The following PDE1A variants were observed in gnomAD, a reference collection of about 807,000 sequenced individuals.
PDE1A encodes dual specificity calcium/calmodulin-dependent 3',5'-cyclic nucleotide phosphodiesterase 1A.
A neutral mutation model predicts 61.7 loss-of-function variants in PDE1A; 35 were observed. The observed-to-expected ratio is 0.57, with a 90% CI of 0.43 to 0.75. PDE1A has a LOEUF of 0.75. PDE1A is among the 30% of genes least tolerant of loss of function. The pLI is 0.00. For synonymous variants in PDE1A, 232 were observed against 213.2 expected (o/e 1.09, Z -0.77); for missense variants, 597 against 630.6 (o/e 0.95, Z 0.57).
chr2:182,374,655 A>T (rs1700293351), intron 1 of PDE1A, among the ~76,000 whole-genome samples: 1 of 152,238 alleles, frequency 6.6e-6, no homozygotes, highest in Non-Finnish European at 1.5e-5. Context: ...AAAAATGAAC[A>T]TGATACTAGA....
At chr2:182,555,452 ATAAAT>A in the PDE1A span, among the ~76,000 whole-genome samples, 1 of 152,238 alleles carries the variant, frequency 6.6e-6, no homozygotes, top group East Asian at 1.9e-4. Flanking sequence ...CTTTTTTCAC[ATAAAT>A]TAACCAATTC....
intron 2 of PDE1A, among the ~76,000 whole-genome samples, chr2:182,517,277 T>C (rs922604333): frequency 6.6e-6 from 1 of 152,172 alleles, no homozygotes; most frequent in African/African-American, 2.4e-5. Flanking sequence ...AAATATGTTA[T>C]ATCTGCACAA....
exon 9 of PDE1A, chr2:182,201,777 G>A: frequency 6.2e-7 from 1 of 1,604,054 alleles, no homozygotes; most frequent in Non-Finnish European, 8.5e-7. Flanking sequence ...CAATCACTAG[G>A]TTCCGAAGAT....
At chr2:182,312,876 T>C (rs547242984) in intron 1 of PDE1A, among the ~76,000 whole-genome samples, 4 of 151,984 alleles carry the variant, frequency 2.6e-5, no homozygotes, top group East Asian at 1.9e-4. Context: ...TATATTGAAA[T>C]TGAACCTATA....
chr2:182,582,217 A>G, the PDE1A span, among the ~76,000 whole-genome samples: 1 of 152,216 alleles, frequency 6.6e-6, no homozygotes, highest in African/African-American at 2.4e-5. Context: ...AGTTGGAAAT[A>G]TAAAGCAATG....
the PDE1A span, among the ~76,000 whole-genome samples, chr2:182,694,474 A>G: frequency 1.3e-5 from 2 of 152,214 alleles, no homozygotes; most frequent in Admixed American, 6.5e-5. Flanking sequence ...GCGGTAACGA[A>G]GCCTACTCTC....
intron 1 of PDE1A, among the ~76,000 whole-genome samples, chr2:182,420,136 G>A (rs540357009): frequency 1.3e-5 from 2 of 152,138 alleles, no homozygotes; most frequent in East Asian, 3.9e-4. Context: ...ATAATAATTG[G>A]ATGCAGCTGG....
chr2:182,309,451 A>G (rs1226690805), intron 1 of PDE1A, among the ~76,000 whole-genome samples: 1 of 152,060 alleles, frequency 6.6e-6, no homozygotes, highest in Non-Finnish European at 1.5e-5. Flanking sequence ...GGCACCTAGA[A>G]AATAAAAATA....
intron 1 of PDE1A, among the ~76,000 whole-genome samples, chr2:182,373,999 G>A (rs1261645823): frequency 6.6e-6 from 1 of 152,120 alleles, no homozygotes; most frequent in Non-Finnish European, 1.5e-5. Context: ...CTTTGCCACA[G>A]CAGTCATTCA....
At chr2:182,560,783 G>C in the PDE1A span, among the ~76,000 whole-genome samples, 1 of 151,826 alleles carries the variant, frequency 6.6e-6, no homozygotes, top group African/African-American at 2.4e-5. Context: ...GTATCTCATT[G>C]TGGTTTTGAT....
At chr2:182,447,368 C>T (rs1360246145) in intron 2 of PDE1A, among the ~76,000 whole-genome samples, 2 of 151,974 alleles carry the variant, frequency 1.3e-5, no homozygotes, top group East Asian at 1.9e-4. Flanking sequence ...ACACACCGGA[C>T]CCTCTACTTC....
chr2:182,679,206 C>G, the PDE1A span, among the ~76,000 whole-genome samples: 9 of 146,410 alleles, frequency 6.1e-5, no homozygotes, highest in South Asian at 1.7e-3. Context: ...TTTTTTGACA[C>G]GGAGTCTTAC....
chr2:182,486,589 T>C (rs1376376327), intron 2 of PDE1A, among the ~76,000 whole-genome samples: 1 of 152,086 alleles, frequency 6.6e-6, no homozygotes, highest in Non-Finnish European at 1.5e-5. Flanking sequence ...CTAGCATAAA[T>C]TGACATATAG....
the PDE1A span, among the ~76,000 whole-genome samples, chr2:182,608,545 C>A: frequency 6.6e-6 from 1 of 152,182 alleles, no homozygotes; most frequent in Non-Finnish European, 1.5e-5. Flanking sequence ...GGCGGCCCGG[C>A]ACTCGGAGCC....
the PDE1A span, among the ~76,000 whole-genome samples, chr2:182,608,122 T>C: frequency 6.6e-6 from 1 of 152,192 alleles, no homozygotes; most frequent in African/African-American, 2.4e-5. Flanking sequence ...CTCAGTTCCA[T>C]TCTCCCCTGA....
At chr2:182,568,353 T>C in the PDE1A span, among the ~76,000 whole-genome samples, 5 of 152,240 alleles carry the variant, frequency 3.3e-5, no homozygotes, top group African/African-American at 1.2e-4. Context: ...AAATTTATCT[T>C]CTATCCTTTT....
chr2:182,598,065 TCTCAGTTTATCAGGCTCC>T, the PDE1A span, among the ~76,000 whole-genome samples: 2 of 152,192 alleles, frequency 1.3e-5, no homozygotes, highest in Non-Finnish European at 2.9e-5. Context: ...GCAATCTGTT[TCTCAGTTTATCAGGCTCC>T]CTAAAGACCA....
intron 1 of PDE1A, among the ~76,000 whole-genome samples, chr2:182,301,952 T>G (rs1695272951): frequency 6.6e-6 from 1 of 152,122 alleles, no homozygotes; most frequent in African/African-American, 2.4e-5. Context: ...TTAATTATAG[T>G]TTTAGGATTA....
chr2:182,611,991 A>C, the PDE1A span, among the ~76,000 whole-genome samples: 1 of 152,194 alleles, frequency 6.6e-6, no homozygotes, highest in Non-Finnish European at 1.5e-5. Flanking sequence ...ACTCTGTCAA[A>C]ACAACAGCTC....
Sources: allele counts gnomAD v4.1 joint callset (sites outside exome capture counted in the v4.1 genomes callset), GRCh38; gene constraint gnomAD v4.1.1; transcripts MANE v1.5; gene names NCBI Gene and HGNC (gene_info 2026-07-23, HGNC 2026-07-21).